TCF7L2: variants seen among roughly 807,000 people sequenced by gnomAD.
TCF7L2 encodes transcription factor 7-like 2.
TCF7L2 carries 23 observed loss-of-function variants against 77.9 expected under a neutral mutation model. The observed-to-expected ratio is 0.30, with a 90% CI of 0.21 to 0.42. TCF7L2 has a LOEUF of 0.42. Ranked by LOEUF, TCF7L2 falls within the 10% of genes least tolerant of loss-of-function variation. TCF7L2 has a pLI of 1.00. For synonymous variants in TCF7L2, 413 were observed against 340.2 expected (o/e 1.21, Z -2.36); for missense variants, 654 against 793.1 (o/e 0.82, Z 2.11).
chr10:113,152,521 C>A, intron 11 of TCF7L2, 81 bp downstream of exon 11: 2 of 1,215,004 alleles, frequency 1.6e-6, no homozygotes, highest in South Asian at 1.4e-5. Flanking sequence ...CAGGACCTGC[C>A]ACTTGACTAG....
intron 1 of TCF7L2, 101 bp downstream of exon 1, chr10:112,951,046 G>A: frequency 1.4e-6 from 2 of 1,444,826 alleles, no homozygotes; most frequent in East Asian, 2.5e-5. Flanking sequence ...CGGCGGCGGG[G>A]CCCGGCGGGC....
intron 4 of TCF7L2, among the ~76,000 whole-genome samples, chr10:112,993,719 C>T (rs565728306): frequency 9.9e-5 from 15 of 152,196 alleles, no homozygotes; most frequent in African/African-American, 3.1e-4. Flanking sequence ...CCTCTTGCCT[C>T]GCAAGCTGTC....
chr10:113,158,021 G>T lies in TCF7L2; in HGVS notation c.1270G>T (p.Gly424Ter), dbSNP rs2137363001. The change falls in exon 12 of 14, where the codon GGA becomes TGA. Residue 424 changes from glycine to a stop codon, truncating the protein, a stop_gained and splice_region_variant. Transcript: ENST00000627217. LOFTEE classifies it high-confidence loss of function. ...CCCTGTGTTTCATCTCTTCATCTAG[G>T]GAAAGAAGAAGAAGAGGAAAAGGGA... 1 of 1,590,744 alleles carries T rather than the reference G, an allele frequency of 6.3e-7. No homozygotes were observed.
chr10:112,994,187 C>G (rs1564758799), intron 4 of TCF7L2, among the ~76,000 whole-genome samples: 1 of 152,182 alleles, frequency 6.6e-6, no homozygotes, highest in African/African-American at 2.4e-5. Context: ...CCCTCTAACT[C>G]CAGGACATTT....
chr10:113,080,105 C>T (rs2059172336), intron 5 of TCF7L2, among the ~76,000 whole-genome samples: 1 of 151,980 alleles, frequency 6.6e-6, no homozygotes, highest in African/African-American at 2.4e-5. Context: ...CACATACATG[C>T]ACACACAATT....
At chr10:112,984,674 G>T (rs1480864307) in intron 4 of TCF7L2, among the ~76,000 whole-genome samples, 2 of 152,226 alleles carry the variant, frequency 1.3e-5, no homozygotes, top group South Asian at 2.1e-4. Flanking sequence ...CAGTGGGGAA[G>T]AATTAATTAA....
chr10:113,162,363 T>TG (rs1477378735), intron 13 of TCF7L2, among the ~76,000 whole-genome samples: 1 of 152,174 alleles, frequency 6.6e-6, no homozygotes, highest in African/African-American at 2.4e-5. Context: ...TGGAAGCAGT[T>TG]GCTGCAAGTC....
intron 4 of TCF7L2, among the ~76,000 whole-genome samples, chr10:113,024,806 G>T (rs1006013184): frequency 2.0e-5 from 3 of 151,936 alleles, no homozygotes; most frequent in Admixed American, 2.0e-4. Flanking sequence ...TTTTAGTAGA[G>T]ATGAGGTTTC....
chr10:113,089,733 G>T (rs1007381148), intron 5 of TCF7L2, among the ~76,000 whole-genome samples: 2 of 152,162 alleles, frequency 1.3e-5, no homozygotes, highest in South Asian at 2.1e-4. Flanking sequence ...CCATAAAAAC[G>T]CCTGTTTACA....
At chr10:113,118,664 G>GTTTTT (rs78459197) in intron 5 of TCF7L2, among the ~76,000 whole-genome samples, 2 of 68,262 alleles carry the variant, frequency 2.9e-5, no homozygotes, top group Non-Finnish European at 6.4e-5. Context: ...GTTTTTTTTT[G>GTTTTT]TTTTTTTTTT....
At chr10:113,017,918 T>A (rs2047617509) in intron 4 of TCF7L2, among the ~76,000 whole-genome samples, 1 of 152,024 alleles carries the variant, frequency 6.6e-6, no homozygotes, top group African/African-American at 2.4e-5. Context: ...AAACCTGGGG[T>A]CTTTAAAATG....
chr10:113,008,258 T>G (rs1264741849), intron 4 of TCF7L2, among the ~76,000 whole-genome samples: 1 of 152,232 alleles, frequency 6.6e-6, no homozygotes, highest in African/African-American at 2.4e-5. Flanking sequence ...GGGATGGTCA[T>G]CTTCCCCACA....
intron 3 of TCF7L2, among the ~76,000 whole-genome samples, chr10:112,956,246 T>C (rs1382527720): frequency 2.0e-5 from 3 of 151,750 alleles, no homozygotes; most frequent in Non-Finnish European, 1.5e-5. Flanking sequence ...CAGTTAAGTA[T>C]GAGACAACCT....
intron 11 of TCF7L2, among the ~76,000 whole-genome samples, chr10:113,155,056 AG>A (rs2071578780): frequency 6.6e-6 from 1 of 151,572 alleles, no homozygotes; most frequent in South Asian, 2.1e-4. Context: ...AAACTCCAAA[AG>A]CTTCTTCTGG....
At chr10:113,147,925 G>A (rs1005474376) in intron 8 of TCF7L2, among the ~76,000 whole-genome samples, 17 of 152,060 alleles carry the variant, frequency 1.1e-4, no homozygotes, top group African/African-American at 3.6e-4. Flanking sequence ...GGGGAGAGGC[G>A]GCCGACTCCC....
At chr10:113,086,954 A>T (rs1260249497) in intron 5 of TCF7L2, among the ~76,000 whole-genome samples, 2 of 152,098 alleles carry the variant, frequency 1.3e-5, no homozygotes, top group South Asian at 2.1e-4. Flanking sequence ...GGGTGGTGGG[A>T]AAGTGTGGTC....
At chr10:112,966,819 G>T (rs533604638) in intron 4 of TCF7L2, among the ~76,000 whole-genome samples, 1 of 152,324 alleles carries the variant, frequency 6.6e-6, no homozygotes, top group East Asian at 1.9e-4. Context: ...AGAGCTCATT[G>T]TTTTGGAGGA....
At chr10:113,157,870 G>A (rs185858039) in intron 11 of TCF7L2, 151 bp from the exon 12 acceptor site, 45 of 725,484 alleles carry the variant, frequency 6.2e-5, no homozygotes, top group South Asian at 6.1e-4. Context: ...GGCTTGAAGC[G>A]GGGTTGGAGG....
intron 5 of TCF7L2, among the ~76,000 whole-genome samples, chr10:113,051,477 T>C (rs550888579): frequency 6.6e-6 from 1 of 152,342 alleles, no homozygotes; most frequent in South Asian, 2.1e-4. Context: ...TGACATGCTT[T>C]TTCTTTTGGA....
Sources: gnomAD v4.1 joint callset for allele counts (sites outside exome capture counted in the v4.1 genomes callset) on GRCh38, gnomAD v4.1.1 for gene constraint, MANE v1.5 for transcripts, NCBI Gene and HGNC (gene_info 2026-07-23, HGNC 2026-07-21) for gene names.